CWF19L1: variants seen among roughly 807,000 people sequenced by gnomAD.
The protein encoded by CWF19L1 is CWF19-like protein 1.
In CWF19L1, 60 loss-of-function variants were observed where a neutral mutation model predicts 69.7. That is an observed-to-expected ratio of 0.86 (90% confidence interval 0.70 to 1.07). CWF19L1 has a LOEUF of 1.07. CWF19L1 is among the 50% of genes least tolerant of loss of function. CWF19L1 has a pLI of 0.00. For synonymous variants in CWF19L1, 209 were observed against 222.2 expected (o/e 0.94, Z 0.53); for missense variants, 591 against 638.9 (o/e 0.92, Z 0.81).
At position 100,257,781 on chromosome 10, in the gene CWF19L1, CT is replaced by C. The variant is rs563433761; in HGVS notation, c.290-1306del. Reference sequence around the variant, plus strand: ...ACTTTTATGTCTTTGTTCCTACCCCCTAGATGAAGATATACCATCCCCACCC... The same window carrying C: ...ACTTTTATGTCTTTGTTCCTACCCCCAGATGAAGATATACCATCCCCACCC... On this transcript the variant is annotated intron_variant, in intron 4 of 13. Transcript: ENST00000354105. Among the ~76,000 whole-genome samples, 235 of 152,164 alleles carry C rather than the reference CT, an allele frequency of 1.5e-3. 1 individual carries two copies. Among genetic ancestry groups the C allele is most frequent in the Non-Finnish European group, 2.9e-3 (196 of 67,970 alleles).
At chr10:100,249,940 T>C (rs1846967645) in intron 7 of CWF19L1, among the ~76,000 whole-genome samples, 1 of 152,210 alleles carries the variant, frequency 6.6e-6, no homozygotes, top group Non-Finnish European at 1.5e-5. Context: ...TAAGCAAGCA[T>C]CTGAGGGCAA....
intron 1 of CWF19L1, among the ~76,000 whole-genome samples, chr10:100,265,491 T>A (rs1244528163): frequency 6.6e-6 from 1 of 151,744 alleles, no homozygotes; most frequent in Non-Finnish European, 1.5e-5. Context: ...CCTTTTTTTT[T>A]TTCCTGTATA....
At chr10:100,237,686 G>GCCCA (rs1243603685) in intron 11 of CWF19L1, among the ~76,000 whole-genome samples, 3 of 151,654 alleles carry the variant, frequency 2.0e-5, no homozygotes, top group Non-Finnish European at 4.4e-5. Flanking sequence ...TCGCTCTGTT[G>GCCCA]CCCAGGCTGG....
chr10:100,238,416 G>A (rs1459984727), intron 10 of CWF19L1, among the ~76,000 whole-genome samples, 185 bp from the exon 11 acceptor site: 1 of 152,238 alleles, frequency 6.6e-6, no homozygotes, highest in Non-Finnish European at 1.5e-5. Flanking sequence ...GGTATCCGCT[G>A]AAGAGTGAGA....
At chr10:100,250,063 C>T in intron 7 of CWF19L1, 185 bp downstream of exon 7, 1 of 610,828 alleles carries the variant, frequency 1.6e-6, no homozygotes, top group Non-Finnish European at 2.9e-6. Flanking sequence ...CTTCTTTAAA[C>T]TCTCCTACAA....
At position 100,248,495 on chromosome 10, in the gene CWF19L1, C is replaced by A; in HGVS notation, c.709-1560G>T. 4.4e-6 allele frequency: 3 copies of A among 678,832 alleles called. No individual in the cohort carries two copies. In the South Asian group the frequency reaches 4.9e-5, roughly 11 times the overall value. 42.1% of individuals were successfully genotyped at this position (678,832 alleles called of 1,614,324 possible). On this transcript the variant is annotated intron_variant, in intron 7 of 13. Transcript: ENST00000354105. ...GTTCTTGACCATGTAATGTGCCAGT[C>A]ATCACTGATAGCAAAGATTTACAGA...
rs1403076237 is a variant in CWF19L1 at position 100,250,008 on chromosome 10, A to G, written c.708+240T>C. 1.5e-5 allele frequency: 8 copies of G among 520,238 alleles called. No homozygotes were observed. The South Asian group carries it at 1.6e-4, about 10-fold the overall frequency. The allele number at this position is 520,238 out of a possible 1,614,324, so 32.2% of individuals were successfully genotyped here. On this transcript the variant is annotated intron_variant, in intron 7 of 13. Coordinates refer to ENST00000354105, the MANE Select transcript of CWF19L1 (RefSeq NM_018294.6). ...ATGTGGAAGTAAAGGAACACTGTTC[A>G]TTTGATATTTTGCCTTTATTCCTCT...
At chr10:100,239,558 G>A (rs973360031) in intron 10 of CWF19L1, among the ~76,000 whole-genome samples, 3 of 152,180 alleles carry the variant, frequency 2.0e-5, no homozygotes, top group African/African-American at 7.2e-5. Context: ...TGAATTGCTT[G>A]AACCTGGAAG....
At chr10:100,250,027 T>C (rs1475166202) in intron 7 of CWF19L1, 3 of 554,972 alleles carry the variant, frequency 5.4e-6, no homozygotes, top group South Asian at 4.3e-5. Flanking sequence ...TTTGCCTTTA[T>C]TCCTCTGGGC....
At chr10:100,236,656 G>C (rs1846448160) in intron 12 of CWF19L1, among the ~76,000 whole-genome samples, 194 bp downstream of exon 12, 1 of 152,182 alleles carries the variant, frequency 6.6e-6, no homozygotes. Flanking sequence ...TGTAGTCCCA[G>C]CTACTGGGGA....
At position 100,243,713 on chromosome 10, in the gene CWF19L1, G is replaced by C. The variant is rs1325612322; in HGVS notation, c.1029C>G (p.Val343=). 6.2e-7 allele frequency: 1 copy of C among 1,614,022 alleles called. No individual in the cohort carries two copies. ...AGTAACTCACATGTGTGCCGATGTT[G>C]ACCACCAAATGTTTTTCCACTTCAG... ...ASPEVEKHLV[V]NIGTHCYLAL... The change falls in exon 10 of 14, where the codon GTC becomes GTG. Residue 343 remains valine, a synonymous_variant. Coordinates refer to ENST00000354105, the MANE Select transcript of CWF19L1 (RefSeq NM_018294.6).
At chr10:100,254,374 C>T (rs894059436) in intron 5 of CWF19L1, 1 of 152,200 alleles carries the variant, frequency 6.6e-6, no homozygotes, top group South Asian at 2.1e-4. Context: ...GGCATAACCA[C>T]ACCCTTCTTA....
rs911787427 is a variant in CWF19L1 at position 100,233,091 on chromosome 10, T to A, written c.*136A>T. ...AGAGCCCAGGAGGTTGAGGCTACAGTGAGCCACAGTTATGCCACTGCAATC... is the reference window on the plus strand; with the variant it reads ...AGAGCCCAGGAGGTTGAGGCTACAGAGAGCCACAGTTATGCCACTGCAATC... On this transcript the variant is annotated 3_prime_UTR_variant, in exon 14 of 14. Coordinates refer to ENST00000354105, the MANE Select transcript of CWF19L1 (RefSeq NM_018294.6). 1.1e-5 allele frequency: 9 copies of A among 848,836 alleles called. No homozygotes were observed. The highest frequency in any genetic ancestry group is 1.5e-5 in the Non-Finnish European group (9 of 582,136). The allele number at this position is 848,836 out of a possible 1,614,324, so 52.6% of individuals were successfully genotyped here.
intron 7 of CWF19L1, chr10:100,248,645 T>C: frequency 1.3e-6 from 1 of 789,456 alleles, no homozygotes; most frequent in Non-Finnish European, 2.2e-6. Context: ...CTCAAGTCAG[T>C]GGTGGCTCAC....
intron 1 of CWF19L1, chr10:100,267,296 G>T: frequency 3.4e-6 from 1 of 294,964 alleles, no homozygotes; most frequent in Non-Finnish European, 5.0e-6. Context: ...TGTGTCAGAG[G>T]CCAGGACTGC....
intron 1 of CWF19L1, among the ~76,000 whole-genome samples, chr10:100,266,085 A>G (rs1035816695): frequency 6.6e-6 from 1 of 151,678 alleles, no homozygotes; most frequent in Admixed American, 6.6e-5. Context: ...CAATCCTAAC[A>G]TTCTCGGGAA....
At chr10:100,251,505 C>CTTTTTTTTTTTTTTT (rs1208146959) in intron 6 of CWF19L1, among the ~76,000 whole-genome samples, 1 of 88,306 alleles carries the variant, frequency 1.1e-5, no homozygotes, top group Non-Finnish European at 2.0e-5. Context: ...GTCTATTGGC[C>CTTTTTTTTTTTTTTT]TTTTTTTTTT....
In CWF19L1 at chr10:100,253,420, C is replaced by T; in HGVS notation, c.623+1G>A. The T allele has an allele frequency of 1.3e-6, 2 of 1,542,106 alleles. No individual in the cohort carries two copies. The highest frequency in any genetic ancestry group is 1.8e-6 in the Non-Finnish European group (2 of 1,115,010). On this transcript the variant is annotated splice_donor_variant, in intron 6 of 13. Coordinates refer to ENST00000354105, the MANE Select transcript of CWF19L1 (RefSeq NM_018294.6). LOFTEE classifies it high-confidence loss of function. ...GCCAAGAAGAATGAAATGCTACTCA[C>T]CGATATGGAAGCCTCTCATAATAGG...
At chr10:100,237,883 A>T (rs933983429) in intron 11 of CWF19L1, 139 bp downstream of exon 11, 2 of 712,750 alleles carry the variant, frequency 2.8e-6, no homozygotes, top group Non-Finnish European at 4.7e-6. Flanking sequence ...TCCTGAGCTC[A>T]GGCAATCCAA....
Sources: gnomAD v4.1 joint callset for allele counts (sites outside exome capture counted in the v4.1 genomes callset) on GRCh38, gnomAD v4.1.1 for gene constraint, MANE v1.5 for transcripts, NCBI Gene and HGNC (gene_info 2026-07-23, HGNC 2026-07-21) for gene names.